Variants in HGD observed in about 807,000 individuals in gnomAD.
The protein encoded by HGD is homogentisate 1,2-dioxygenase.
A neutral mutation model predicts 60.8 loss-of-function variants in HGD; 61 were observed. The observed-to-expected ratio is 1.00, with a 90% confidence interval of 0.82 to 1.24. The LOEUF is 1.24. HGD is among the 50% of genes most tolerant of loss of function. The pLI is 0.00. For synonymous variants in HGD, 212 were observed against 187.7 expected, an observed-to-expected ratio of 1.13 and a Z score of -1.06; for missense variants, 542 against 547.1, an observed-to-expected ratio of 0.99 and a Z score of 0.09.
chr3:120,632,955 C>T (rs1225585496), intron 13 of HGD, among the ~76,000 whole-genome samples, 192 bp downstream of exon 13: 1 of 152,190 alleles, frequency 6.6e-6, no homozygotes, highest in Non-Finnish European at 1.5e-5. Context: ...GATCTTTCTA[C>T]ACCACCACAA....
chr3:120,647,081 G>T, intron 7 of HGD, 29 bp from the exon 8 acceptor site: 1 of 1,566,062 alleles, frequency 6.4e-7, no homozygotes, highest in Non-Finnish European at 8.8e-7. Context: ...GCAGTGGTGA[G>T]CAATTCTTTT....
chr3:120,656,361 T>A (rs2194423), intron 4 of HGD, among the ~76,000 whole-genome samples: 5 of 152,100 alleles, frequency 3.3e-5, no homozygotes, highest in Admixed American at 6.5e-5. Context: ...TTATACTATA[T>A]GCTATTGTTA....
At chr3:120,679,584 CTAAT>C (rs1708196296) in intron 1 of HGD, among the ~76,000 whole-genome samples, 1 of 151,978 alleles carries the variant, frequency 6.6e-6, no homozygotes, top group African/African-American at 2.4e-5. Flanking sequence ...GGGAGATATC[CTAAT>C]TATTTGGGTG....
At chr3:120,658,394 C>A (rs142809824) in intron 4 of HGD, among the ~76,000 whole-genome samples, 1 of 152,298 alleles carries the variant, frequency 6.6e-6, no homozygotes, top group South Asian at 2.1e-4. Flanking sequence ...TTTTAAAGCT[C>A]CAAAAAAATC....
chr3:120,652,679 A>G (rs934855789), intron 4 of HGD, 28 bp from the exon 5 acceptor site: 1 of 1,528,712 alleles, frequency 6.5e-7, no homozygotes, highest in Non-Finnish European at 9.1e-7. Context: ...ATACAGAAAA[A>G]TTACTTCACA....
chr3:120,680,220 T>C (rs1370509970), intron 1 of HGD, among the ~76,000 whole-genome samples: 1 of 152,260 alleles, frequency 6.6e-6, no homozygotes, highest in Admixed American at 6.5e-5. Flanking sequence ...TGTACTTTTG[T>C]GTAAATGTGA....
intron 4 of HGD, 131 bp from the exon 5 acceptor site, chr3:120,652,782 G>C: frequency 1.5e-6 from 1 of 672,698 alleles, no homozygotes; most frequent in Non-Finnish European, 2.7e-6. Context: ...TTGTGATTTT[G>C]TTATATTAAA....
At chr3:120,647,804 G>T in intron 7 of HGD, 73 bp downstream of exon 7, 2 of 1,126,726 alleles carry the variant, frequency 1.8e-6, no homozygotes, top group Non-Finnish European at 1.4e-6. Flanking sequence ...AAAATAATGT[G>T]TATAAAATTA....
chr3:120,675,939 G>C, intron 1 of HGD, 76 bp from the exon 2 acceptor site: 1 of 1,080,754 alleles, frequency 9.3e-7, no homozygotes, highest in Non-Finnish European at 1.4e-6. Context: ...AGTTTACTAA[G>C]GTAAGAATTT....
At position 120,682,106 on chromosome 3, in the gene HGD, A is replaced by T. The variant is rs1308413187; in HGVS notation, c.6T>A (p.Ala2=). The T allele has an allele frequency of 3.1e-6, 5 of 1,613,924 alleles. No individual in the cohort carries two copies. In the African/African-American group the frequency reaches 6.7e-5, roughly 22 times the overall value. Residue 2 remains alanine, a synonymous_variant, in exon 1 of 14, where the codon GCT becomes GCA. Coordinates refer to ENST00000283871, the MANE Select transcript of HGD (RefSeq NM_000187.4). M[A]ELKYISGFGN... ...TCAGATGGTTTCTTACCTTTAACTC[A>T]GCCATTTTCTCTCTCCTCTATGTGT...
chr3:120,649,229 G>A (rs150673699), intron 6 of HGD, among the ~76,000 whole-genome samples: 3,095 of 139,362 alleles, frequency 0.022, 50 homozygotes, highest in Middle Eastern at 0.049. Context: ...TGCAACCTCC[G>A]CCTCCCGGGT....
Position 120,641,681 on chromosome 3 carries a change from AC to A in HGD, c.786del (p.Phe263SerfsTer17). ...KLFAAKQDVSPFNVVAWHGNY... is the reference protein window; with the variant it reads ...KLFAAKQDVSXFNVVAWHGNY... Reference sequence around the variant, plus strand: ...TTCCCGTGCCAGGCCACAACATTGAACGGGGAGACATCCTAAACACAAAAAG... The same window carrying A: ...TTCCCGTGCCAGGCCACAACATTGAAGGGGAGACATCCTAAACACAAAAAG... On this transcript the variant is annotated frameshift_variant, in exon 11 of 14. Transcript: ENST00000283871. LOFTEE classifies it high-confidence loss of function. The A allele has an allele frequency of 6.2e-7, 1 of 1,611,922 alleles. No individual in the cohort carries two copies. Among genetic ancestry groups the A allele is most frequent in the Non-Finnish European group, 8.5e-7 (1 of 1,177,966 alleles).
At chr3:120,655,646 A>C (rs773075287) in intron 4 of HGD, among the ~76,000 whole-genome samples, 1 of 152,234 alleles carries the variant, frequency 6.6e-6, no homozygotes, top group Non-Finnish European at 1.5e-5. Context: ...GAGGATTAAT[A>C]GGAAGAGTCC....
In HGD at chr3:120,641,889, C is replaced by T. The variant is rs145084455; in HGVS notation, c.775-196G>A. 1,071 of 593,574 alleles carry T rather than the reference C, an allele frequency of 1.8e-3. 4 individuals carry two copies. The African/African-American group carries it at 0.018, about 10-fold the overall frequency. 36.8% of individuals were successfully genotyped at this position (593,574 alleles called of 1,614,324 possible). On this transcript the variant is annotated intron_variant, in intron 10 of 13. Transcript: ENST00000283871. ...CACACACCCTCTACTTAGCCACTAA[C>T]CCTATTTTTCTGGTTCATAAGCTGC...
At chr3:120,646,855 C>T (rs1941180105) in intron 8 of HGD, 118 bp downstream of exon 8, 2 of 851,870 alleles carry the variant, frequency 2.3e-6, no homozygotes, top group South Asian at 2.7e-5. Context: ...ACTCAGATTC[C>T]CTCCTCGTTG....
chr3:120,644,589 G>GTGAA, intron 9 of HGD, 146 bp from the exon 10 acceptor site: 2 of 1,542,968 alleles, frequency 1.3e-6, no homozygotes, highest in Non-Finnish European at 1.7e-6. Flanking sequence ...TGCATTTCCA[G>GTGAA]TCTGGTACCT....
At chr3:120,633,629 A>T (rs1439654127) in intron 12 of HGD, 1 of 1,332,368 alleles carries the variant, frequency 7.5e-7, no homozygotes, top group Admixed American at 2.2e-5. Flanking sequence ...AATAATAATT[A>T]AAATGCTAGT....
chr3:120,669,470 C>T (rs1707977318), intron 4 of HGD, among the ~76,000 whole-genome samples: 1 of 151,904 alleles, frequency 6.6e-6, no homozygotes, highest in Admixed American at 6.6e-5. Flanking sequence ...CACACACACA[C>T]ACACACACAC....
intron 11 of HGD, 134 bp downstream of exon 11, chr3:120,641,455 G>A: frequency 1.4e-6 from 1 of 724,896 alleles, no homozygotes; most frequent in East Asian, 2.5e-5. Context: ...CCTCACCAAA[G>A]GACAAATGAC....
Sources: allele counts gnomAD v4.1 joint callset (sites outside exome capture counted in the v4.1 genomes callset), GRCh38; gene constraint gnomAD v4.1.1; transcripts MANE v1.5; gene names NCBI Gene and HGNC (gene_info 2026-07-23, HGNC 2026-07-21).